The following TPTE2 variants were observed in gnomAD, a reference collection of about 807,000 sequenced individuals.
The protein encoded by TPTE2 is transmembrane phosphoinositide 3-phosphatase and tensin homolog 2.
TPTE2 carries 53 observed loss-of-function variants against 78.6 expected under a neutral mutation model. The observed-to-expected ratio is 0.67, with a 90% CI of 0.54 to 0.85. The LOEUF (loss-of-function observed/expected upper bound fraction) is 0.85. TPTE2 is among the 40% of genes least tolerant of loss of function. The pLI is 0.00. For missense variants in TPTE2, 461 were observed against 623.0 expected (o/e 0.74, Z 2.77); for synonymous variants, 175 against 206.2 (o/e 0.85, Z 1.30).
intron 1 of TPTE2, among the ~76,000 whole-genome samples, chr13:19,510,880 A>T (rs1163971253): frequency 2.0e-5 from 3 of 152,216 alleles, no homozygotes; most frequent in African/African-American, 7.2e-5. Flanking sequence ...TCAAATTCAT[A>T]AGTTATCACA....
chr13:19,534,322 G>C (rs1346091816), intron 1 of TPTE2, among the ~76,000 whole-genome samples: 1 of 152,158 alleles, frequency 6.6e-6, no homozygotes, highest in Non-Finnish European at 1.5e-5. Flanking sequence ...CCATCATAAA[G>C]TTGAAAAATT....
chr13:19,522,543 C>G (rs1593417720), intron 1 of TPTE2, among the ~76,000 whole-genome samples: 1 of 151,352 alleles, frequency 6.6e-6, no homozygotes, highest in South Asian at 2.1e-4. Flanking sequence ...GAAATGTCTT[C>G]TGACAGCAAG....
At chr13:19,522,436 T>C (rs1401493542) in intron 1 of TPTE2, among the ~76,000 whole-genome samples, 1 of 152,130 alleles carries the variant, frequency 6.6e-6, no homozygotes, top group Non-Finnish European at 1.5e-5. Flanking sequence ...TGTGCCAGTT[T>C]TGCTGTCAAA....
chr13:19,553,868 T>C, the TPTE2 span, among the ~76,000 whole-genome samples: 1 of 152,248 alleles, frequency 6.6e-6, no homozygotes, highest in Admixed American at 6.5e-5. Context: ...GGCAGTTTCA[T>C]GGATGTATAT....
chr13:19,450,463 C>CT, intron 11 of TPTE2, 119 bp from the exon 15 acceptor site: 1 of 880,556 alleles, frequency 1.1e-6, no homozygotes, highest in South Asian at 2.1e-5. Context: ...AAGAGCTTTC[C>CT]AAGTTGCTCC....
At chr13:19,438,216 C>G in intron 13 of TPTE2, 63 bp from the exon 17 acceptor site, 1 of 1,553,032 alleles carries the variant, frequency 6.4e-7, no homozygotes, top group Non-Finnish European at 8.7e-7. Context: ...CAGAAATATT[C>G]AAGGAGTGCA....
In TPTE2 at chr13:19,480,363, C is replaced by T. The variant is rs564056724; in HGVS notation, c.179+2125G>A. On this transcript the variant is annotated intron_variant, in intron 4 of 19. Transcript: ENST00000400230. ...AGTCACTTAGGAGAAAAGTAAATTT[C>T]TACACTTTATACCTTAAGACAAAGT... 1.3e-3 allele frequency among the ~76,000 whole-genome samples: 200 copies of T among 152,258 alleles called. 2 individuals are homozygous for T. The highest frequency in any genetic ancestry group is 2.4e-3 in the Non-Finnish European group (160 of 68,018).
chr13:19,497,783 G>A (rs1490406514), intron 1 of TPTE2, among the ~76,000 whole-genome samples: 2 of 151,534 alleles, frequency 1.3e-5, no homozygotes, highest in Non-Finnish European at 1.5e-5. Context: ...ACCAGCAACG[G>A]AACAAAGCTG....
intron 4 of TPTE2, among the ~76,000 whole-genome samples, chr13:19,477,564 C>T (rs541644210): frequency 4.2e-4 from 64 of 152,174 alleles, no homozygotes; most frequent in African/African-American, 1.4e-3. Context: ...GTTGCCATGC[C>T]CTTACTACAA....
At chr13:19,523,718 G>A (rs151115208) in intron 1 of TPTE2, among the ~76,000 whole-genome samples, 27 of 151,950 alleles carry the variant, frequency 1.8e-4, no homozygotes, top group Non-Finnish European at 3.2e-4. Flanking sequence ...TCAGGTTATC[G>A]TCCCACCTCA....
At chr13:19,526,580 G>C (rs1870512737) in intron 1 of TPTE2, among the ~76,000 whole-genome samples, 1 of 152,152 alleles carries the variant, frequency 6.6e-6, no homozygotes, top group African/African-American at 2.4e-5. Context: ...TTGGAGGCTG[G>C]AGGATGGTGA....
the TPTE2 span, among the ~76,000 whole-genome samples, chr13:19,555,287 A>G: frequency 1.3e-5 from 2 of 152,202 alleles, no homozygotes; most frequent in African/African-American, 4.8e-5. Flanking sequence ...GATAACCAGT[A>G]GGGCCTATGA....
the TPTE2 span, chr13:19,560,819 G>T: frequency 6.6e-7 from 1 of 1,511,522 alleles, no homozygotes; most frequent in East Asian, 2.4e-5. Flanking sequence ...CACCCCGGAC[G>T]CGGTCCAGGC....
intron 3 of TPTE2, among the ~76,000 whole-genome samples, chr13:19,489,499 T>C (rs1880855149): frequency 6.6e-6 from 1 of 150,684 alleles, no homozygotes; most frequent in Admixed American, 6.7e-5. Flanking sequence ...ATACACATGC[T>C]CATATATATA....
chr13:19,553,821 CT>C, the TPTE2 span, among the ~76,000 whole-genome samples: 4 of 152,130 alleles, frequency 2.6e-5, no homozygotes, highest in African/African-American at 9.7e-5. Flanking sequence ...CACAAGGAAA[CT>C]TTGGAGGGTC....
intron 10 of TPTE2, among the ~76,000 whole-genome samples, chr13:19,453,398 A>G (rs1347669982): frequency 2.0e-5 from 3 of 152,004 alleles, no homozygotes; most frequent in Non-Finnish European, 4.4e-5. Context: ...CTTAGTATAC[A>G]TATATAGAAA....
intron 1 of TPTE2, among the ~76,000 whole-genome samples, chr13:19,533,520 T>C: frequency 1.3e-5 from 2 of 152,232 alleles, no homozygotes; most frequent in East Asian, 3.8e-4. Context: ...CAAATTGATA[T>C]TGGACAGTGA....
At chr13:19,547,479 A>G in the TPTE2 span, among the ~76,000 whole-genome samples, 94,362 of 151,826 alleles carry the variant, frequency 0.62, 33,002 homozygotes, top group East Asian at 0.88. Context: ...GTAAGTACTT[A>G]TGGCAATTTA....
chr13:19,475,329 G>A (rs561202600), intron 5 of TPTE2, among the ~76,000 whole-genome samples: 152 of 151,956 alleles, frequency 1.0e-3, no homozygotes, highest in African/African-American at 3.5e-3. Flanking sequence ...CGGTCCAAGC[G>A]ATTCTTCTGC....
Sources: gnomAD v4.1 joint callset for allele counts (sites outside exome capture counted in the v4.1 genomes callset) on GRCh38, gnomAD v4.1.1 for gene constraint, MANE v1.5 for transcripts, NCBI Gene and HGNC (gene_info 2026-07-23, HGNC 2026-07-21) for gene names.